The following STRADB variants were observed in gnomAD, a reference collection of about 807,000 sequenced individuals.
STRADB encodes STE20-related kinase adapter protein beta.
A neutral mutation model predicts 52.1 loss-of-function variants in STRADB; 34 were observed. That is an observed-to-expected ratio of 0.65 (90% CI 0.50 to 0.87). The LOEUF (loss-of-function observed/expected upper bound fraction) is 0.87. Among genes scored for constraint, STRADB ranks in the 40% least tolerant of loss-of-function variants. The pLI is 0.00. For synonymous variants in STRADB, 133 were observed against 174.5 expected, an observed-to-expected ratio of 0.76 and a Z score of 1.87; for missense variants, 340 against 483.9, an observed-to-expected ratio of 0.70 and a Z score of 2.79.
intron 6 of STRADB, 25 bp from the exon 7 acceptor site, chr2:201,475,594 T>A (rs1172617838): frequency 6.2e-7 from 1 of 1,611,674 alleles, no homozygotes; most frequent in Admixed American, 1.7e-5. Flanking sequence ...AATGTTCATC[T>A]AAGGATTTTA....
chr2:201,472,669 T>C (rs1952408894), intron 4 of STRADB, among the ~76,000 whole-genome samples: 1 of 152,204 alleles, frequency 6.6e-6, no homozygotes, highest in Admixed American at 6.5e-5. Context: ...AATAGATATG[T>C]AATGGTGTGT....
intron 11 of STRADB, 138 bp from the exon 12 acceptor site, chr2:201,479,894 C>A: frequency 9.7e-7 from 1 of 1,032,834 alleles, no homozygotes; most frequent in South Asian, 1.5e-5. Context: ...TGACCAGAAT[C>A]AAAGGCAGTT....
intron 1 of STRADB, among the ~76,000 whole-genome samples, chr2:201,453,846 TGG>T (rs1952087706): frequency 6.6e-6 from 1 of 152,216 alleles, no homozygotes; most frequent in African/African-American, 2.4e-5. Flanking sequence ...CGGTAATGAA[TGG>T]TAGGTGGCTA....
chr2:201,476,152 G>A lies in STRADB; in HGVS notation c.548+410G>A, dbSNP rs922402149. ...ATAAATTGGAATTAAACTTTTCTTT[G>A]ATTTCTTATTTTGCAGTACCTTGAG... On this transcript the variant is annotated intron_variant, in intron 7 of 11. Coordinates refer to ENST00000194530, the MANE Select transcript of STRADB (RefSeq NM_018571.6). Among the ~76,000 whole-genome samples, 3 of 152,094 alleles carry A rather than the reference G, an allele frequency of 2.0e-5. No individual in the cohort carries two copies. The South Asian group carries it at 6.2e-4, about 32-fold the overall frequency.
chr2:201,460,351 A>G (rs1372714834), intron 3 of STRADB, among the ~76,000 whole-genome samples: 5 of 152,172 alleles, frequency 3.3e-5, no homozygotes, highest in Non-Finnish European at 5.9e-5. Flanking sequence ...TGGTTTATCT[A>G]TCACTTTAAG....
intron 7 of STRADB, among the ~76,000 whole-genome samples, chr2:201,477,358 C>T (rs1245411469): frequency 6.6e-6 from 1 of 152,104 alleles, no homozygotes; most frequent in Non-Finnish European, 1.5e-5. Flanking sequence ...GCCACCGCAC[C>T]CGGCTATCAG....
At chr2:201,455,370 A>G (rs971024015) in intron 2 of STRADB, among the ~76,000 whole-genome samples, 2 of 152,146 alleles carry the variant, frequency 1.3e-5, no homozygotes, top group Middle Eastern at 3.2e-3. Flanking sequence ...TTTATACATA[A>G]TAATAATATT....
At chr2:201,477,254 C>T (rs1393919122) in intron 7 of STRADB, among the ~76,000 whole-genome samples, 9 of 151,428 alleles carry the variant, frequency 5.9e-5, no homozygotes, top group Admixed American at 2.6e-4. Flanking sequence ...TTAGTAGAGA[C>T]GGGGTTTCAC....
intron 10 of STRADB, 112 bp from the exon 11 acceptor site, chr2:201,479,377 T>G (rs1237297818): frequency 1.1e-6 from 1 of 934,896 alleles, no homozygotes; most frequent in African/African-American, 1.7e-5. Flanking sequence ...CTTTTTAATC[T>G]TTTTCGTATT....
Position 201,454,802 on chromosome 2 carries a change from T to A in STRADB, c.-39T>A. 1 of 1,594,198 alleles carries A rather than the reference T, an allele frequency of 6.3e-7. No homozygotes were observed. Among genetic ancestry groups the A allele is most frequent in the Non-Finnish European group, 8.5e-7 (1 of 1,170,458 alleles). On this transcript the variant is annotated 5_prime_UTR_variant, in exon 2 of 12. The change abolishes an upstream ATG in the 5' untranslated region. Coordinates refer to ENST00000194530, the MANE Select transcript of STRADB (RefSeq NM_018571.6). ...AAACAAAAGCCTTCTTTGGAATAGA[T>A]GGATTTTTGTCACTTTCTGTGTGAA...
chr2:201,475,418 C>A (rs571955271), intron 6 of STRADB, among the ~76,000 whole-genome samples: 8 of 152,010 alleles, frequency 5.3e-5, no homozygotes, highest in Admixed American at 4.6e-4. Context: ...AATTCTCTTC[C>A]CTAATCTCTA....
At position 201,469,939 on chromosome 2, in the gene STRADB, A is replaced by T. The variant is rs540388237; in HGVS notation, c.94-14A>T. The T allele has an allele frequency of 1.2e-6, 2 of 1,606,590 alleles. No individual in the cohort carries two copies. The highest frequency in any genetic ancestry group is 3.3e-5 in the Admixed American group (2 of 59,876). Reference sequence around the variant, plus strand: ...GTTCATCTATTTTGTTTTTATCTTTAAAAACAAATGCAGGTTGATGAGCCA... The same window carrying T: ...GTTCATCTATTTTGTTTTTATCTTTTAAAACAAATGCAGGTTGATGAGCCA... On this transcript the variant is annotated splice_polypyrimidine_tract_variant and intron_variant, in intron 3 of 11. Transcript: ENST00000194530.
chr2:201,479,957 A>C (rs1250815791), intron 11 of STRADB, 75 bp from the exon 12 acceptor site: 51 of 1,548,160 alleles, frequency 3.3e-5, no homozygotes, highest in Non-Finnish European at 4.5e-5. Context: ...AAATTCTTTA[A>C]AAGTTATTTA....
intron 3 of STRADB, among the ~76,000 whole-genome samples, chr2:201,461,145 G>A (rs1332900744): frequency 6.6e-6 from 1 of 151,910 alleles, no homozygotes; most frequent in African/African-American, 2.4e-5. Context: ...ACTTTTTCAT[G>A]TACCTGTTTG....
At chr2:201,474,942 GTA>G (rs1376407926) in intron 6 of STRADB, among the ~76,000 whole-genome samples, 187 bp downstream of exon 6, 2 of 152,176 alleles carry the variant, frequency 1.3e-5, no homozygotes, top group Non-Finnish European at 2.9e-5. Flanking sequence ...GTAAGAATTG[GTA>G]TGATGATCAG....
At chr2:201,455,242 G>A (rs1351946872) in intron 2 of STRADB, among the ~76,000 whole-genome samples, 4 of 151,990 alleles carry the variant, frequency 2.6e-5, no homozygotes, top group Admixed American at 6.6e-5. Context: ...TGACTTAACC[G>A]AAATAAAATC....
At chr2:201,461,046 CT>C (rs973310410) in intron 3 of STRADB, among the ~76,000 whole-genome samples, 1 of 151,382 alleles carries the variant, frequency 6.6e-6, no homozygotes, top group Non-Finnish European at 1.5e-5. Context: ...TATTGCCTGT[CT>C]TTTGGATAAA....
At chr2:201,461,490 G>T (rs1053610079) in intron 3 of STRADB, among the ~76,000 whole-genome samples, 1 of 152,138 alleles carries the variant, frequency 6.6e-6, no homozygotes, top group African/African-American at 2.4e-5. Flanking sequence ...CTTCTTTTGA[G>T]AAATGTTTAT....
At chr2:201,474,806 T>G in intron 6 of STRADB, 51 bp downstream of exon 6, 1 of 1,338,038 alleles carries the variant, frequency 7.5e-7, no homozygotes, top group Non-Finnish European at 1.0e-6. Flanking sequence ...GTTATAATTA[T>G]ATAGATGAGT....
Sources: gnomAD v4.1 joint callset for allele counts (sites outside exome capture counted in the v4.1 genomes callset) on GRCh38, gnomAD v4.1.1 for gene constraint, MANE v1.5 for transcripts, NCBI Gene and HGNC (gene_info 2026-07-23, HGNC 2026-07-21) for gene names.